The following ANO10 variants were observed in gnomAD, a reference collection of about 807,000 sequenced individuals.
The protein encoded by ANO10 is anoctamin 10.
ANO10 carries 77 observed loss-of-function variants against 74.7 expected under a neutral mutation model. The observed-to-expected ratio is 1.03, with a 90% CI of 0.86 to 1.25. ANO10 has a LOEUF of 1.25. Ranked by LOEUF, ANO10 falls within the 50% of genes most tolerant of loss-of-function variation. The probability of loss-of-function intolerance (pLI) is 0.00; values close to 1 mark genes in which losing one functional copy is unlikely to be tolerated. For synonymous variants in ANO10, 279 were observed against 284.9 expected (o/e 0.98, Z 0.21); for missense variants, 721 against 778.1 (o/e 0.93, Z 0.87).
At chr3:43,626,831 C>A (rs561419663), upstream of ANO10, among the ~76,000 whole-genome samples, 2 of 152,184 alleles carry the variant, frequency 1.3e-5, no homozygotes, top group South Asian at 2.1e-4. Flanking sequence ...ATCTCTGTAC[C>A]AGAATCATAA....
intron 11 of ANO10, among the ~76,000 whole-genome samples, chr3:43,534,856 C>T (rs1236656873): frequency 6.6e-6 from 1 of 152,148 alleles, no homozygotes; most frequent in African/African-American, 2.4e-5. Flanking sequence ...CAGTACAGGT[C>T]AAAGCACTAC....
chr3:43,659,495 G>A (rs916346868), intron 1 of ANO10, among the ~76,000 whole-genome samples: 4 of 152,178 alleles, frequency 2.6e-5, no homozygotes, highest in Non-Finnish European at 5.9e-5. Context: ...ACAGGAGCTT[G>A]GTGGGGGGAG....
intron 11 of ANO10, among the ~76,000 whole-genome samples, chr3:43,450,656 CTT>C (rs1324212828): frequency 6.6e-6 from 1 of 152,172 alleles, no homozygotes; most frequent in Non-Finnish European, 1.5e-5. Context: ...TTGCCACACA[CTT>C]TTATAAATCA....
intron 12 of ANO10, among the ~76,000 whole-genome samples, chr3:43,416,081 C>G (rs1176351296): frequency 6.6e-6 from 1 of 151,672 alleles, no homozygotes; most frequent in East Asian, 1.9e-4. Context: ...ATATTTCTCA[C>G]ATATGAAAGT....
At chr3:43,437,431 G>A (rs1444821187) in intron 11 of ANO10, among the ~76,000 whole-genome samples, 2 of 152,220 alleles carry the variant, frequency 1.3e-5, no homozygotes, top group African/African-American at 4.8e-5. Flanking sequence ...CCTTGAGAGG[G>A]AAAGAGAAAG....
chr3:43,456,918 C>T (rs1575885682), intron 11 of ANO10, among the ~76,000 whole-genome samples: 1 of 152,158 alleles, frequency 6.6e-6, no homozygotes, highest in Non-Finnish European at 1.5e-5. Context: ...GTATTTGTTA[C>T]TTGTAAATCT....
At chr3:43,377,419 C>T (rs1021599497) in intron 12 of ANO10, among the ~76,000 whole-genome samples, 2 of 152,174 alleles carry the variant, frequency 1.3e-5, no homozygotes, top group Non-Finnish European at 2.9e-5. Flanking sequence ...GCTCTCCCTC[C>T]TCCTTGCCTG....
chr3:43,546,569 C>G (rs1184944024), intron 11 of ANO10, among the ~76,000 whole-genome samples: 3 of 151,838 alleles, frequency 2.0e-5, no homozygotes, highest in African/African-American at 7.3e-5. Context: ...AACTGGACAT[C>G]CACATGCAAA....
At chr3:43,691,164 G>A (rs2084370347) in intron 1 of ANO10, 1 of 978,878 alleles carries the variant, frequency 1.0e-6, no homozygotes, top group Non-Finnish European at 1.4e-6. Context: ...CGGCTTCCTC[G>A]ACCCTCCCCG....
At chr3:43,562,226 G>A (rs1575430079) in intron 8 of ANO10, among the ~76,000 whole-genome samples, 1 of 151,812 alleles carries the variant, frequency 6.6e-6, no homozygotes, top group Non-Finnish European at 1.5e-5. Flanking sequence ...GCCGAGGCGG[G>A]CAGATCACGA....
In ANO10 at chr3:43,565,746, A is replaced by AG; in HGVS notation, c.1219-20_1219-19insC. On this transcript the variant is annotated intron_variant, in intron 7 of 12. Transcript: ENST00000292246. ...AGTTGAACTGCCAAAAAAAAAAAAA[A>AG]AAAAGATAAGTGTTAAGCACTGCTT... The AG allele has an allele frequency of 6.4e-7, 1 of 1,552,682 alleles. No homozygotes were observed.
chr3:43,651,359 G>A (rs930390031), intron 1 of ANO10, among the ~76,000 whole-genome samples: 1 of 152,142 alleles, frequency 6.6e-6, no homozygotes, highest in Non-Finnish European at 1.5e-5. Context: ...AAGACACACC[G>A]TAAAACTACA....
intron 11 of ANO10, among the ~76,000 whole-genome samples, chr3:43,543,613 C>T (rs541009480): frequency 6.6e-6 from 1 of 152,316 alleles, no homozygotes; most frequent in African/African-American, 2.4e-5. Context: ...TGGTCTTGAT[C>T]TCCTGACCTG....
chr3:43,507,274 G>A (rs2077330896), intron 11 of ANO10, among the ~76,000 whole-genome samples: 1 of 152,202 alleles, frequency 6.6e-6, no homozygotes, highest in Non-Finnish European at 1.5e-5. Flanking sequence ...TTTCTGGACT[G>A]TCCTTCGTAG....
At chr3:43,653,207 C>T (rs1209864479) in intron 1 of ANO10, among the ~76,000 whole-genome samples, 1 of 151,224 alleles carries the variant, frequency 6.6e-6, no homozygotes, top group African/African-American at 2.4e-5. Flanking sequence ...AAGACTCCGT[C>T]TCAAAAAGAA....
chr3:43,593,299 C>T (rs2081898997), intron 4 of ANO10, among the ~76,000 whole-genome samples: 2 of 152,114 alleles, frequency 1.3e-5, no homozygotes, highest in South Asian at 4.1e-4. Flanking sequence ...CTCCAAGACA[C>T]ATAATTGTTA....
Position 43,414,589 on chromosome 3 carries a change from C to T in ANO10, c.1914+18022G>A, listed in dbSNP as rs138951065. Among the ~76,000 whole-genome samples, 101 of 152,216 alleles carry T rather than the reference C, an allele frequency of 6.6e-4. No homozygotes were observed. In the South Asian group the frequency reaches 7.3e-3, roughly 11 times the overall value. On this transcript the variant is annotated intron_variant, in intron 12 of 12. Transcript: ENST00000292246. ...ATCCAAATTAGTTTTGGCTAATTAG[C>T]CTTTCAAAACGACCTGTTTTTGGTT...
At chr3:43,394,124 T>C (rs977299647) in intron 12 of ANO10, among the ~76,000 whole-genome samples, 1 of 152,142 alleles carries the variant, frequency 6.6e-6, no homozygotes, top group African/African-American at 2.4e-5. Flanking sequence ...TTGGTAGATA[T>C]GCTTTCACAT....
chr3:43,545,445 C>T (rs1345662121), intron 11 of ANO10, among the ~76,000 whole-genome samples: 3 of 152,064 alleles, frequency 2.0e-5, no homozygotes, highest in Admixed American at 2.0e-4. Flanking sequence ...GCAATCTCGG[C>T]TTACCATAAC....
Sources: allele counts gnomAD v4.1 joint callset (sites outside exome capture counted in the v4.1 genomes callset), GRCh38; gene constraint gnomAD v4.1.1; transcripts MANE v1.5; gene names NCBI Gene and HGNC (gene_info 2026-07-23, HGNC 2026-07-21).